GRM8: variants seen among roughly 807,000 people sequenced by gnomAD.
GRM8 encodes glutamate metabotropic receptor 8.
Under a neutral mutation model 87.2 loss-of-function variants are expected in GRM8, and 47 were observed. The observed-to-expected ratio is 0.54, with a 90% confidence interval of 0.43 to 0.69. GRM8 has a LOEUF of 0.69. GRM8 is among the 30% of genes least tolerant of loss of function. The pLI, the probability that GRM8 is intolerant of heterozygous loss-of-function variation, is 0.00. For synonymous variants in GRM8, 396 were observed against 404.5 expected (o/e 0.98, Z 0.25); for missense variants, 1,019 against 1,139.2 (o/e 0.89, Z 1.52).
chr7:127,121,578 GA>G (rs563980226), intron 2 of GRM8, among the ~76,000 whole-genome samples: 1 of 152,032 alleles, frequency 6.6e-6, no homozygotes, highest in Non-Finnish European at 1.5e-5. Flanking sequence ...AGTAATTTAT[GA>G]AAAAAAGTCG....
intron 2 of GRM8, chr7:127,215,314 C>T (rs1405576457): frequency 6.6e-6 from 1 of 152,230 alleles, no homozygotes. Context: ...TTTCCCCACC[C>T]CCAGCCAAGG....
Position 126,864,865 on chromosome 7 carries a change from T to C in GRM8, c.1156+37677A>G, listed in dbSNP as rs182559015. Among the ~76,000 whole-genome samples the C allele has an allele frequency of 8.5e-5, 13 of 152,194 alleles. No individual in the cohort carries two copies. The East Asian group carries it at 2.3e-3, about 27-fold the overall frequency. On this transcript the variant is annotated intron_variant, in intron 6 of 10. Coordinates refer to ENST00000339582, the MANE Select transcript of GRM8 (RefSeq NM_000845.3). ...GTCTCTTCTGCTGGGACCCCATATA[T>C]GGTAGCAGTTACAGGCCAAGTTTTG...
At chr7:126,956,029 A>T (rs1453094254) in intron 3 of GRM8, among the ~76,000 whole-genome samples, 1 of 152,170 alleles carries the variant, frequency 6.6e-6, no homozygotes, top group African/African-American at 2.4e-5. Flanking sequence ...TGTATATGTG[A>T]TGTGTCCAAC....
At chr7:126,707,875 G>T (rs1243329449) in intron 7 of GRM8, among the ~76,000 whole-genome samples, 1 of 152,066 alleles carries the variant, frequency 6.6e-6, no homozygotes, top group Non-Finnish European at 1.5e-5. Context: ...GCACAGGCAA[G>T]AAGAGCAAAC....
intron 3 of GRM8, among the ~76,000 whole-genome samples, chr7:126,946,820 C>T (rs749395813): frequency 1.4e-4 from 21 of 152,190 alleles, no homozygotes; most frequent in African/African-American, 4.6e-4. Flanking sequence ...TTAATTCATA[C>T]ATTCATCAGA....
intron 7 of GRM8, among the ~76,000 whole-genome samples, chr7:126,631,596 A>G (rs1290428467): frequency 6.6e-6 from 1 of 151,650 alleles, no homozygotes; most frequent in East Asian, 1.9e-4. Flanking sequence ...AAGAAAAAGG[A>G]ACAAACCTGG....
At chr7:126,771,832 GAGAC>G (rs973156027) in intron 6 of GRM8, among the ~76,000 whole-genome samples, 3 of 152,042 alleles carry the variant, frequency 2.0e-5, no homozygotes, top group Non-Finnish European at 4.4e-5. Context: ...CGAGCACAAA[GAGAC>G]AGGGAAGATT....
intron 3 of GRM8, among the ~76,000 whole-genome samples, chr7:127,013,035 G>A (rs973657975): frequency 1.3e-5 from 2 of 152,098 alleles, no homozygotes; most frequent in Admixed American, 1.3e-4. Flanking sequence ...AACCAGCTCT[G>A]GGCCTCTTAT....
chr7:127,146,858 G>A (rs1828581036), intron 2 of GRM8, among the ~76,000 whole-genome samples: 1 of 151,878 alleles, frequency 6.6e-6, no homozygotes, highest in African/African-American at 2.4e-5. Context: ...CTCTTGAGAG[G>A]ATCTTCCATG....
chr7:127,015,176 G>GAGAAGGAGAAGAAGAAGA (rs1563414139), intron 3 of GRM8, among the ~76,000 whole-genome samples: 4 of 87,030 alleles, frequency 4.6e-5, no homozygotes, highest in African/African-American at 1.3e-4. Context: ...GAAGGAGAAG[G>GAGAAGGAGAAGAAGAAGA]AGAAGAAGAA....
chr7:126,979,315 T>G lies in GRM8; in HGVS notation c.728-74632A>C, dbSNP rs553906989. Among the ~76,000 whole-genome samples, 6 of 152,186 alleles carry G rather than the reference T, an allele frequency of 3.9e-5. No individual in the cohort carries two copies. In the South Asian group the frequency reaches 1.2e-3, roughly 32 times the overall value. On this transcript the variant is annotated intron_variant, in intron 3 of 10. Transcript: ENST00000339582. ...GCAAGCTATAACCAGGTAAATCTGC[T>G]AAAACAAAAACCACAGTATAACATT...
At chr7:127,064,578 C>T (rs1392717623) in intron 3 of GRM8, among the ~76,000 whole-genome samples, 1 of 152,096 alleles carries the variant, frequency 6.6e-6, no homozygotes, top group East Asian at 1.9e-4. Flanking sequence ...ATCCAGCTTG[C>T]CACTCTGTCC....
At chr7:127,009,427 G>A (rs150527105) in intron 3 of GRM8, among the ~76,000 whole-genome samples, 119 of 152,182 alleles carry the variant, frequency 7.8e-4, no homozygotes, top group African/African-American at 2.4e-3. Context: ...TTGTAACTAT[G>A]TGGGCACTTC....
chr7:127,014,382 C>T (rs928155609), intron 3 of GRM8, among the ~76,000 whole-genome samples: 2 of 152,084 alleles, frequency 1.3e-5, no homozygotes, highest in Non-Finnish European at 2.9e-5. Context: ...GGATGAAGAC[C>T]TAAATGATCT....
intron 8 of GRM8, among the ~76,000 whole-genome samples, chr7:126,572,666 T>C (rs1435935092): frequency 6.6e-6 from 1 of 152,194 alleles, no homozygotes; most frequent in African/African-American, 2.4e-5. Flanking sequence ...TTCCTTCCTT[T>C]GCACCTATCC....
chr7:126,531,400 G>GA (rs1353591402), intron 9 of GRM8, among the ~76,000 whole-genome samples: 1 of 152,172 alleles, frequency 6.6e-6, no homozygotes, highest in Non-Finnish European at 1.5e-5. Flanking sequence ...AGCTAAGAAA[G>GA]AAAAAGGAAT....
intron 9 of GRM8, among the ~76,000 whole-genome samples, chr7:126,489,163 T>A (rs544863226): frequency 1.3e-5 from 2 of 152,058 alleles, no homozygotes; most frequent in East Asian, 3.9e-4. Flanking sequence ...CATATTTGAG[T>A]CCCAATGTCT....
At chr7:126,891,756 G>A (rs144165232) in intron 6 of GRM8, among the ~76,000 whole-genome samples, 1 of 151,942 alleles carries the variant, frequency 6.6e-6, no homozygotes, top group African/African-American at 2.4e-5. Flanking sequence ...TGCATTGCAG[G>A]AACTGGGCTA....
rs191156159 is a variant in GRM8, at chr7:127,155,836, A to G, written c.511-49124T>C. ...TCCTGTCCTCCTTATGCTAATTTTG[A>G]TTTAATGTCTCTAGGGACCTGTGCT... On this transcript the variant is annotated intron_variant, in intron 2 of 10. Coordinates refer to ENST00000339582, the MANE Select transcript of GRM8 (RefSeq NM_000845.3). Among the ~76,000 whole-genome samples, 177 of 152,284 alleles carry G rather than the reference A, an allele frequency of 1.2e-3. 1 individual carries two copies. The highest frequency in any genetic ancestry group is 4.2e-3 in the African/African-American group (176 of 41,578).
Sources: gnomAD v4.1 joint callset for allele counts (sites outside exome capture counted in the v4.1 genomes callset) on GRCh38, gnomAD v4.1.1 for gene constraint, MANE v1.5 for transcripts, NCBI Gene and HGNC (gene_info 2026-07-23, HGNC 2026-07-21) for gene names.